ABCA13: variants seen among roughly 807,000 people sequenced by gnomAD.
ABCA13 encodes ATP-binding cassette sub-family A member 13.
In ABCA13, 476 loss-of-function variants were observed where a neutral mutation model predicts 478.7. The observed-to-expected ratio is 0.99, with a 90% confidence interval of 0.92 to 1.07. The LOEUF (loss-of-function observed/expected upper bound fraction) is 1.07, where lower values mean the gene tolerates loss of function less well. ABCA13 is among the 50% of genes least tolerant of loss of function. The pLI, the probability that ABCA13 is intolerant of heterozygous loss-of-function variation, is 0.00. For missense variants in ABCA13, 6,060 were observed against 5,910.6 expected (o/e 1.03, Z -0.83); for synonymous variants, 2,252 against 2,158.9 (o/e 1.04, Z -1.20).
At chr7:48,552,132 T>C (rs1785383103) in intron 55 of ABCA13, among the ~76,000 whole-genome samples, 1 of 151,876 alleles carries the variant, frequency 6.6e-6, no homozygotes, top group South Asian at 2.1e-4. Context: ...CTTGCAGTCC[T>C]TACTAATTTT....
intron 10 of ABCA13, chr7:48,243,181 G>A (rs141867809): frequency 4.6e-5 from 7 of 152,394 alleles, no homozygotes; most frequent in African/African-American, 1.4e-4. Context: ...TCACAGATGT[G>A]GGGGGAATAG....
intron 42 of ABCA13, among the ~76,000 whole-genome samples, chr7:48,451,397 T>A (rs912726845): frequency 3.3e-5 from 5 of 152,204 alleles, no homozygotes; most frequent in Non-Finnish European, 7.3e-5. Context: ...AAAGGCGATC[T>A]GTATTTGTCT....
At chr7:48,434,389 T>C (rs1424981927) in intron 42 of ABCA13, among the ~76,000 whole-genome samples, 1 of 151,884 alleles carries the variant, frequency 6.6e-6, no homozygotes, top group Non-Finnish European at 1.5e-5. Flanking sequence ...CTTGTAGAAG[T>C]TCGTTGTTTT....
chr7:48,499,199 A>T (rs1563355494), intron 48 of ABCA13, among the ~76,000 whole-genome samples: 2 of 152,176 alleles, frequency 1.3e-5, no homozygotes, highest in Admixed American at 6.5e-5. Flanking sequence ...AGAGAGAGAG[A>T]AAGTCATCAA....
chr7:48,475,398 T>C (rs1281391294), intron 45 of ABCA13, among the ~76,000 whole-genome samples: 1 of 152,106 alleles, frequency 6.6e-6, no homozygotes, highest in African/African-American at 2.4e-5. Flanking sequence ...AATATTTCTC[T>C]TCCCTTAAAT....
intron 31 of ABCA13, among the ~76,000 whole-genome samples, 193 bp from the exon 32 acceptor site, chr7:48,367,601 G>A (rs942937656): frequency 2.0e-5 from 3 of 152,156 alleles, no homozygotes; most frequent in African/African-American, 7.2e-5. Context: ...TCCTTCATGG[G>A]TTCCTTCATG....
intron 20 of ABCA13, 87 bp downstream of exon 20, chr7:48,288,165 C>T (rs997320387): frequency 3.0e-5 from 36 of 1,201,018 alleles, no homozygotes; most frequent in East Asian, 9.3e-5. Context: ...CTTGCTGCTT[C>T]GTTCTTATAA....
chr7:48,333,486 C>T lies in ABCA13; in HGVS notation c.10000-1936C>T, dbSNP rs114315257. Among the ~76,000 whole-genome samples the T allele has an allele frequency of 3.3e-3, 497 of 152,094 alleles. 6 individuals are homozygous for T. Among genetic ancestry groups the T allele is most frequent in the African/African-American group, 0.012 (478 of 41,482 alleles). On this transcript the variant is annotated intron_variant, in intron 27 of 61. Coordinates refer to ENST00000435803, the MANE Select transcript of ABCA13 (RefSeq NM_152701.5). ...CTTTTCTTAATTCTAGTTGTCTTTT[C>T]TTTGGTTATTTTTATAATGGGTGGT...
chr7:48,244,297 T>C (rs142094740), intron 10 of ABCA13, among the ~76,000 whole-genome samples: 33 of 152,358 alleles, frequency 2.2e-4, no homozygotes, highest in African/African-American at 7.0e-4. Context: ...TGAAACTTTA[T>C]CCTAACCCTC....
intron 39 of ABCA13, among the ~76,000 whole-genome samples, chr7:48,407,980 G>A (rs905666539): frequency 2.0e-5 from 3 of 152,122 alleles, no homozygotes; most frequent in African/African-American, 7.2e-5. Context: ...TAGAACCAAT[G>A]CTCCACAGAT....
rs545288655 is a variant in ABCA13, at chr7:48,427,756, T to C, written c.12460-10T>C. On this transcript the variant is annotated splice_polypyrimidine_tract_variant and intron_variant, in intron 41 of 61. Transcript: ENST00000435803. ...TAAAATAATACATGGCGTTTTTTTTTCTCCGAAAGGTGTTTTTGATGCTTT... is the reference window on the plus strand; with the variant it reads ...TAAAATAATACATGGCGTTTTTTTTCCTCCGAAAGGTGTTTTTGATGCTTT... The C allele has an allele frequency of 1.9e-5, 31 of 1,590,818 alleles. No homozygotes were observed. The highest frequency in any genetic ancestry group is 6.7e-5 in the African/African-American group (5 of 74,418).
intron 3 of ABCA13, among the ~76,000 whole-genome samples, chr7:48,204,710 C>A (rs1279364029): frequency 2.0e-5 from 3 of 152,188 alleles, no homozygotes; most frequent in African/African-American, 7.2e-5. Context: ...ATCTGTCCAG[C>A]CCTTACACAG....
At chr7:48,499,640 A>T (rs529667249) in intron 48 of ABCA13, among the ~76,000 whole-genome samples, 7 of 152,352 alleles carry the variant, frequency 4.6e-5, no homozygotes, top group Admixed American at 3.9e-4. Context: ...CTGGAAAGAA[A>T]AGCCGGAATA....
At chr7:48,487,858 A>G (rs957318257) in intron 47 of ABCA13, among the ~76,000 whole-genome samples, 3 of 152,222 alleles carry the variant, frequency 2.0e-5, no homozygotes, top group African/African-American at 7.2e-5. Context: ...TGGGTGGATG[A>G]CATGGACACA....
chr7:48,601,301 A>G (rs1190842749), intron 58 of ABCA13, among the ~76,000 whole-genome samples: 3 of 152,126 alleles, frequency 2.0e-5, no homozygotes, highest in Non-Finnish European at 1.5e-5. Context: ...ATAGGTATAC[A>G]TGTGCCATGG....
At chr7:48,641,242 G>A (rs925480957) in intron 59 of ABCA13, among the ~76,000 whole-genome samples, 4 of 152,274 alleles carry the variant, frequency 2.6e-5, no homozygotes, top group African/African-American at 9.6e-5. Flanking sequence ...CCATCTCTGT[G>A]CCACTGTCTC....
chr7:48,595,552 G>A (rs971133696), intron 58 of ABCA13, among the ~76,000 whole-genome samples: 1 of 152,178 alleles, frequency 6.6e-6, no homozygotes, highest in Non-Finnish European at 1.5e-5. Flanking sequence ...TTTTATGGAT[G>A]TTGACAGAAG....
intron 45 of ABCA13, among the ~76,000 whole-genome samples, chr7:48,479,312 AC>A (rs1828509855): frequency 6.6e-6 from 1 of 151,920 alleles, no homozygotes; most frequent in Non-Finnish European, 1.5e-5. Flanking sequence ...ATCTTGGCTC[AC>A]TGCAACCTCC....
At chr7:48,484,869 C>T (rs1004938970) in intron 47 of ABCA13, among the ~76,000 whole-genome samples, 2 of 152,214 alleles carry the variant, frequency 1.3e-5, no homozygotes, top group African/African-American at 4.8e-5. Context: ...ACCAGAACTG[C>T]TGGCGGCTGA....
Sources: allele counts gnomAD v4.1 joint callset (sites outside exome capture counted in the v4.1 genomes callset), GRCh38; gene constraint gnomAD v4.1.1; transcripts MANE v1.5; gene names NCBI Gene and HGNC (gene_info 2026-07-23, HGNC 2026-07-21).